Variants in NPNT observed in about 807,000 individuals in gnomAD.
NPNT encodes preosteoblast EGF-like repeat protein with MAM domain.
NPNT carries 45 observed loss-of-function variants against 68.6 expected under a neutral mutation model. The observed-to-expected ratio is 0.66, with a 90% CI of 0.52 to 0.84. The LOEUF is 0.84. NPNT is among the 40% of genes least tolerant of loss of function. The pLI, the probability that NPNT is intolerant of heterozygous loss-of-function variation, is 0.00. For synonymous variants in NPNT, 233 were observed against 253.3 expected, an observed-to-expected ratio of 0.92 and a Z score of 0.76; for missense variants, 672 against 714.8, an observed-to-expected ratio of 0.94 and a Z score of 0.68.
chr4:105,925,283 A>C (rs1450473028), intron 2 of NPNT, among the ~76,000 whole-genome samples: 4 of 152,106 alleles, frequency 2.6e-5, no homozygotes, highest in Admixed American at 6.6e-5. Context: ...TTTCCCTATC[A>C]TTTACACTCT....
chr4:105,940,144 G>C lies in NPNT; in HGVS notation c.575G>C (p.Ser192Thr). Reference protein sequence around the residue: ...RFRQCVNTFGSYICKCHKGFD... With the variant: ...RFRQCVNTFGTYICKCHKGFD... ...AGGCAATGTGTCAACACTTTTGGGA[G>C]CTACATCTGCAAGTGTCATAAAGGC... Residue 192 changes from serine (S) to threonine (T), a missense_variant, in exon 6 of 12, where the codon AGC (serine) becomes ACC (threonine). Physicochemically the swap from Ser to Thr is moderately conservative, Grantham distance 58. Transcript: ENST00000379987. The C allele has an allele frequency of 3.1e-6, 5 of 1,612,422 alleles. No homozygotes were observed. The highest frequency in any genetic ancestry group is 4.2e-6 in the Non-Finnish European group (5 of 1,178,500).
At chr4:105,950,004 C>A (rs181384034) in intron 8 of NPNT, among the ~76,000 whole-genome samples, 252 of 152,236 alleles carry the variant, frequency 1.7e-3, no homozygotes, top group African/African-American at 5.7e-3. Flanking sequence ...AACAGTAATT[C>A]ATTATATCAT....
chr4:105,968,204 A>G (rs1441151597), intron 11 of NPNT, among the ~76,000 whole-genome samples: 2 of 152,226 alleles, frequency 1.3e-5, no homozygotes, highest in African/African-American at 2.4e-5. Flanking sequence ...GATAGATTCC[A>G]TTAATACAGT....
rs66945682 is a variant in NPNT, at chr4:105,898,328, G to GTCTCTCTCTCTCTCTCTCTCTCTC, written c.172+356_172+379dup. On this transcript the variant is annotated intron_variant, in intron 2 of 11. Coordinates refer to ENST00000379987, the MANE Select transcript of NPNT (RefSeq NM_001033047.3). Reference sequence around the variant, plus strand: ...TCTCTCTCTGTCTCTCTCTCTCTCTGTCTCTCTCTCTCTCTCTCTCTCTCT... The same window carrying GTCTCTCTCTCTCTCTCTCTCTCTC: ...TCTCTCTCTGTCTCTCTCTCTCTCTGTCTCTCTCTCTCTCTCTCTCTCTCTCTCTCTCTCTCTCTCTCTCTCTCT... Among the ~76,000 whole-genome samples the GTCTCTCTCTCTCTCTCTCTCTCTC allele has an allele frequency of 1.8e-3, 99 of 53,984 alleles. 11 individuals are homozygous for GTCTCTCTCTCTCTCTCTCTCTCTC. The highest frequency in any genetic ancestry group is 2.2e-3 in the Non-Finnish European group (63 of 28,312). 35.4% of individuals were successfully genotyped at this position (53,984 alleles called of 152,430 possible).
At chr4:105,933,176 G>GGTTCCA (rs978536652) in intron 3 of NPNT, among the ~76,000 whole-genome samples, 1 of 152,092 alleles carries the variant, frequency 6.6e-6, no homozygotes, top group African/African-American at 2.4e-5. Flanking sequence ...CCTAAGTTCT[G>GGTTCCA]GTTCCAAGAG....
intron 8 of NPNT, among the ~76,000 whole-genome samples, chr4:105,953,379 T>C (rs1434367861): frequency 6.6e-6 from 1 of 152,212 alleles, no homozygotes; most frequent in African/African-American, 2.4e-5. Flanking sequence ...CTGTGGAACT[T>C]TGTAGATTCT....
At chr4:105,904,724 C>T (rs1726738150) in intron 2 of NPNT, among the ~76,000 whole-genome samples, 1 of 151,952 alleles carries the variant, frequency 6.6e-6, no homozygotes, top group East Asian at 1.9e-4. Context: ...ACTCTGTTGC[C>T]CAGGCTGGAG....
chr4:105,928,657 A>C (rs1162296345), intron 3 of NPNT, among the ~76,000 whole-genome samples: 2 of 151,922 alleles, frequency 1.3e-5, no homozygotes, highest in African/African-American at 4.8e-5. Flanking sequence ...TTAGGAATTA[A>C]ACTAAAGAAA....
At chr4:105,922,122 T>A (rs1244386050) in intron 2 of NPNT, among the ~76,000 whole-genome samples, 5 of 152,104 alleles carry the variant, frequency 3.3e-5, no homozygotes, top group Non-Finnish European at 7.4e-5. Flanking sequence ...GAGAAAATCC[T>A]TCTCAAGTTA....
intron 1 of NPNT, 37 bp downstream of exon 1, chr4:105,895,760 G>A (rs1232687413): frequency 3.3e-6 from 5 of 1,525,016 alleles, no homozygotes; most frequent in South Asian, 1.2e-5. Flanking sequence ...CCTCCTTCCC[G>A]CGCTAATTTC....
intron 2 of NPNT, among the ~76,000 whole-genome samples, chr4:105,915,032 G>T (rs969916602): frequency 8.5e-5 from 13 of 152,304 alleles, no homozygotes; most frequent in African/African-American, 3.1e-4. Flanking sequence ...TAATGGATCA[G>T]ATCTAGCACT....
At chr4:105,896,074 T>G in intron 1 of NPNT, 39 of 269,794 alleles carry the variant, frequency 1.4e-4, no homozygotes, top group East Asian at 4.6e-4. Context: ...AAACATCCCT[T>G]ACCCGGGAAA....
At chr4:105,941,329 A>G (rs1451435272) in intron 7 of NPNT, among the ~76,000 whole-genome samples, 1 of 152,132 alleles carries the variant, frequency 6.6e-6, no homozygotes, top group East Asian at 1.9e-4. Context: ...CAGCTTGGGC[A>G]AGAGAGCGAG....
Position 105,971,110 on chromosome 4 carries a change from T to A in NPNT, c.*2120T>A, listed in dbSNP as rs1263658908. The stretch of plus-strand genomic sequence containing the variant: ...ATGATGTTTCAGATTTTTTTTTTTT[T>A]AAGAGATCCTTCAAGGAACACAGTT... On this transcript the variant is annotated 3_prime_UTR_variant, in exon 12 of 12. Transcript: ENST00000379987. 2 of 443,036 alleles carry A rather than the reference T, an allele frequency of 4.5e-6. No individual in the cohort carries two copies. The highest frequency in any genetic ancestry group is 2.4e-5 in the Admixed American group (1 of 40,922). The allele number at this position is 443,036 out of a possible 1,614,324, so 27.4% of individuals were successfully genotyped here. A position where few individuals can be genotyped will look rare whatever the true frequency, so the allele number is the denominator to read the frequency against.
chr4:105,941,889 G>A (rs919081362), intron 7 of NPNT, among the ~76,000 whole-genome samples: 25 of 152,020 alleles, frequency 1.6e-4, no homozygotes, highest in Admixed American at 1.0e-3. Context: ...ACGTAGCATA[G>A]GGATACAACG....
chr4:105,922,819 A>C (rs775371316), intron 2 of NPNT, among the ~76,000 whole-genome samples: 11 of 152,164 alleles, frequency 7.2e-5, no homozygotes, highest in African/African-American at 1.2e-4. Flanking sequence ...ATTTGGACTT[A>C]ATTCTGGCAA....
chr4:105,967,280 G>T lies in NPNT; in HGVS notation c.1438G>T (p.Asp480Tyr). 1.2e-6 allele frequency: 2 copies of T among 1,614,012 alleles called. No individual in the cohort carries two copies. Among genetic ancestry groups the T allele is most frequent in the Non-Finnish European group, 8.5e-7 (1 of 1,179,994 alleles). ...LPLGRLMHSGDLCLSFRHKVT... is the reference protein window; with the variant it reads ...LPLGRLMHSGYLCLSFRHKVT... ...TCTCGGCCGCCTCATGCATTCAGGG[G>T]ACCTGTGCCTGTCATTCAGGCACAA... Residue 480 changes from aspartate to tyrosine, a missense_variant, in exon 11 of 12, where the codon GAC (aspartate) becomes TAC (tyrosine). Coordinates refer to ENST00000379987, the MANE Select transcript of NPNT (RefSeq NM_001033047.3).
chr4:105,946,765 G>A (rs934080054), intron 8 of NPNT, among the ~76,000 whole-genome samples: 1 of 152,070 alleles, frequency 6.6e-6, no homozygotes, highest in Admixed American at 6.6e-5. Flanking sequence ...TCCTGATAAG[G>A]GTCCAGCAAA....
rs4449421 is a variant in NPNT, at chr4:105,971,053, T to G, written c.*2063T>G. 359,215 of 383,312 alleles carry G rather than the reference T, an allele frequency of 0.94. 168,490 individuals carry two copies. Among genetic ancestry groups the G allele is most frequent in the East Asian group, 1 (13,485 of 13,486 alleles). 23.7% of individuals were successfully genotyped at this position (383,312 alleles called of 1,614,324 possible). ...CGGTGGTTTTCAATGTTTCTTCATG[T>G]TAAAGGTATAAGCCTTTCATTTGTT... is the stretch of plus-strand genomic sequence containing the variant. On this transcript the variant is annotated 3_prime_UTR_variant, in exon 12 of 12. Transcript: ENST00000379987.
Sources: allele counts gnomAD v4.1 joint callset (sites outside exome capture counted in the v4.1 genomes callset), GRCh38; gene constraint gnomAD v4.1.1; transcripts MANE v1.5; gene names NCBI Gene and HGNC (gene_info 2026-07-23, HGNC 2026-07-21).